Variants in KANSL1L observed in about 807,000 individuals in gnomAD.
KANSL1L encodes the protein KAT8 regulatory NSL complex subunit 1 like.
A neutral mutation model predicts 108.6 loss-of-function variants in KANSL1L; 25 were observed. The observed-to-expected ratio is 0.23, with a 90% confidence interval of 0.17 to 0.32. The LOEUF is 0.32. Ranked by LOEUF, KANSL1L falls within the 10% of genes least tolerant of loss-of-function variation. KANSL1L has a pLI of 1.00. For synonymous variants in KANSL1L, 405 were observed against 395.1 expected, an observed-to-expected ratio of 1.03 and a Z score of -0.30; for missense variants, 1,137 against 1,125.7, an observed-to-expected ratio of 1.01 and a Z score of -0.14.
intron 11 of KANSL1L, among the ~76,000 whole-genome samples, chr2:210,027,627 G>A (rs73063919): frequency 6.6e-6 from 1 of 152,220 alleles, no homozygotes; most frequent in South Asian, 2.1e-4. Flanking sequence ...TCAGTGGTAC[G>A]CTGATAAACT....
At chr2:210,100,299 T>C (rs1205812592) in intron 4 of KANSL1L, among the ~76,000 whole-genome samples, 1 of 152,162 alleles carries the variant, frequency 6.6e-6, no homozygotes, top group East Asian at 1.9e-4. Context: ...GCGGAAAAAT[T>C]GTCTTCTACA....
Position 210,048,658 on chromosome 2 carries a change from C to T in KANSL1L, c.1756-4554G>A, listed in dbSNP as rs577519133. 4.6e-5 allele frequency among the ~76,000 whole-genome samples: 7 copies of T among 151,840 alleles called. No homozygotes were observed. In the East Asian group the frequency reaches 5.8e-4, roughly 13 times the overall value. ...ATATGCATGCATATATTAATACATA[C>T]GTGTATGGTTTTGTTTTTGTTTGTT... On this transcript the variant is annotated intron_variant, in intron 6 of 14. Coordinates refer to ENST00000281772, the MANE Select transcript of KANSL1L (RefSeq NM_152519.4).
chr2:210,135,888 T>TACTG (rs2095169497), intron 2 of KANSL1L, among the ~76,000 whole-genome samples: 1 of 152,180 alleles, frequency 6.6e-6, no homozygotes, highest in African/African-American at 2.4e-5. Context: ...AGATGAGCCT[T>TACTG]ACTGACATAC....
chr2:210,113,008 A>T (rs2094923328), intron 3 of KANSL1L, among the ~76,000 whole-genome samples: 1 of 152,222 alleles, frequency 6.6e-6, no homozygotes, highest in Admixed American at 6.5e-5. Context: ...ATCTATATAC[A>T]GCCTGCATAA....
intron 3 of KANSL1L, among the ~76,000 whole-genome samples, chr2:210,117,044 A>G (rs2094961371): frequency 6.6e-6 from 1 of 152,214 alleles, no homozygotes; most frequent in African/African-American, 2.4e-5. Flanking sequence ...GAAGAAATTG[A>G]AACAGTTAAA....
At chr2:210,079,640 A>AT (rs1163392635) in intron 5 of KANSL1L, among the ~76,000 whole-genome samples, 1 of 5,020 alleles carries the variant, frequency 2.0e-4, no homozygotes, top group African/African-American at 3.8e-4. Context: ...ATATATATAT[A>AT]TATATATATA....
intron 11 of KANSL1L, 129 bp from the exon 12 acceptor site, chr2:210,027,479 C>A (rs1161503890): frequency 1.3e-5 from 8 of 621,360 alleles, no homozygotes; most frequent in African/African-American, 1.1e-4. Flanking sequence ...TATTTTAATA[C>A]TTAATTTTTT....
chr2:210,128,300 A>G (rs1360419543), intron 3 of KANSL1L, among the ~76,000 whole-genome samples: 1 of 152,214 alleles, frequency 6.6e-6, no homozygotes, highest in Non-Finnish European at 1.5e-5. Context: ...TCTCAAAGAG[A>G]TATTTTTATA....
intron 2 of KANSL1L, among the ~76,000 whole-genome samples, chr2:210,136,127 T>C (rs776463261): frequency 6.6e-6 from 1 of 152,120 alleles, no homozygotes; most frequent in Non-Finnish European, 1.5e-5. Flanking sequence ...GAAGAATAAA[T>C]GGAGTAAACA....
intron 3 of KANSL1L, among the ~76,000 whole-genome samples, chr2:210,120,549 G>A (rs1165804741): frequency 6.6e-6 from 1 of 152,154 alleles, no homozygotes; most frequent in Admixed American, 6.5e-5. Context: ...AATGCTGGAA[G>A]ACAACCTAAG....
intron 6 of KANSL1L, among the ~76,000 whole-genome samples, chr2:210,065,579 ATTTTTT>A (rs57999970): frequency 3.1e-5 from 2 of 64,906 alleles, no homozygotes; most frequent in African/African-American, 5.4e-5. Flanking sequence ...CCTGGACATG[ATTTTTT>A]TTTTTTTTTT....
chr2:210,172,179 C>A (rs1206156112), upstream of KANSL1L, among the ~76,000 whole-genome samples: 6 of 152,128 alleles, frequency 3.9e-5, no homozygotes, highest in Admixed American at 6.5e-5. Context: ...GAACCGCTCA[C>A]CACAAAACAA....
At chr2:210,060,984 A>G (rs2094413923) in intron 6 of KANSL1L, among the ~76,000 whole-genome samples, 2 of 152,194 alleles carry the variant, frequency 1.3e-5, no homozygotes, top group South Asian at 2.1e-4. Context: ...CCCACCCCCA[A>G]TATGGAGGAG....
chr2:210,140,016 C>T (rs540656527), intron 2 of KANSL1L, among the ~76,000 whole-genome samples: 1 of 152,168 alleles, frequency 6.6e-6, no homozygotes, highest in African/African-American at 2.4e-5. Flanking sequence ...CCACTTTGCC[C>T]ATTTTTTAAT....
intron 2 of KANSL1L, chr2:210,153,130 T>C (rs1017261489): frequency 6.1e-6 from 1 of 164,492 alleles, no homozygotes; most frequent in African/African-American, 2.4e-5. Context: ...CCGAGGCGGG[T>C]GGATCACAAG....
rs1261196396 is a variant in KANSL1L, at chr2:210,154,120, A to G, written c.463T>C (p.Ser155Pro). ...CMKDVQIILD[S>P]NITKDTNVDK... ...ACATTAGTGTCTTTGGTTATATTTGAATCCAGAATAATTTGTACATCTTTC... is the reference window on the plus strand; with the variant it reads ...ACATTAGTGTCTTTGGTTATATTTGGATCCAGAATAATTTGTACATCTTTC... Residue 155 changes from serine (S) to proline (P), a missense_variant, in exon 2 of 15, where the codon TCA becomes CCA. Transcript: ENST00000281772. The G allele has an allele frequency of 6.2e-7, 1 of 1,614,066 alleles. No homozygotes were observed. The highest frequency in any genetic ancestry group is 8.5e-7 in the Non-Finnish European group (1 of 1,179,988).
At chr2:210,087,033 A>T (rs907031107) in intron 5 of KANSL1L, among the ~76,000 whole-genome samples, 6 of 145,466 alleles carry the variant, frequency 4.1e-5, no homozygotes, top group South Asian at 4.3e-4. Flanking sequence ...TTTTTATTTT[A>T]TTTTTTTTTT....
intron 5 of KANSL1L, chr2:210,088,520 T>C (rs1261742349): frequency 6.6e-6 from 1 of 152,258 alleles, no homozygotes; most frequent in African/African-American, 2.4e-5. Flanking sequence ...ACCCAGGTGA[T>C]TAAACTTCAC....
chr2:210,162,050 C>A (rs1355682799), intron 1 of KANSL1L, among the ~76,000 whole-genome samples: 1 of 148,218 alleles, frequency 6.7e-6, no homozygotes, highest in Non-Finnish European at 1.5e-5. Flanking sequence ...TATGGTGAGA[C>A]CCTGTCTCTA....
Sources: gnomAD v4.1 joint callset for allele counts (sites outside exome capture counted in the v4.1 genomes callset) on GRCh38, gnomAD v4.1.1 for gene constraint, MANE v1.5 for transcripts, NCBI Gene and HGNC (gene_info 2026-07-23, HGNC 2026-07-21) for gene names.